Variants in AGPAT4 observed in about 807,000 individuals in gnomAD.
The protein encoded by AGPAT4 is 1-acylglycerol-3-phosphate O-acyltransferase 4, also known as 1-acyl-sn-glycerol-3-phosphate acyltransferase delta.
Under a neutral mutation model 48.0 loss-of-function variants are expected in AGPAT4, and 15 were observed. The ratio of observed to expected loss-of-function variants is 0.31; its 90% CI spans 0.21 to 0.48. The LOEUF is 0.48. Among genes scored for constraint, AGPAT4 ranks in the 20% least tolerant of loss-of-function variants. The pLI is 0.99. For missense variants in AGPAT4, 314 were observed against 482.5 expected (o/e 0.65, Z 3.27); for synonymous variants, 178 against 198.7 (o/e 0.90, Z 0.88).
chr6:161,190,622 A>T (rs943028884), intron 2 of AGPAT4, among the ~76,000 whole-genome samples: 2 of 151,856 alleles, frequency 1.3e-5, no homozygotes, highest in African/African-American at 4.8e-5. Flanking sequence ...AGACCTTAAG[A>T]TATTGATCAA....
At chr6:161,257,539 T>C (rs1251799446) in intron 1 of AGPAT4, among the ~76,000 whole-genome samples, 1 of 152,214 alleles carries the variant, frequency 6.6e-6, no homozygotes, top group Non-Finnish European at 1.5e-5. Context: ...CATTGAACTA[T>C]ACACTTAAAA....
At position 161,272,219 on chromosome 6, in the gene AGPAT4, C is replaced by T. The variant is rs1390591554; in HGVS notation, c.-90+1719G>A. Among the ~76,000 whole-genome samples the T allele has an allele frequency of 6.7e-6, 1 of 149,354 alleles. No homozygotes were observed. Among genetic ancestry groups the T allele is most frequent in the Admixed American group, 6.6e-5 (1 of 15,108 alleles). On this transcript the variant is annotated intron_variant, in intron 1 of 8. Transcript: ENST00000320285. This position sits in a 1 kb window ranked among gnomAD's most constrained non-coding sequence, Gnocchi z 4.2. ...AGATAAGGATCACAGCAAACAGAACCTCACTGAAACCACCCATTCTTCCTG... is the reference window on the plus strand; with the variant it reads ...AGATAAGGATCACAGCAAACAGAACTTCACTGAAACCACCCATTCTTCCTG...
intron 2 of AGPAT4, among the ~76,000 whole-genome samples, chr6:161,192,247 T>A (rs1780948463): frequency 6.7e-6 from 1 of 150,310 alleles, no homozygotes; most frequent in Admixed American, 6.7e-5. Context: ...GCCTCCCAGG[T>A]TTAAGCGATT....
At chr6:161,213,522 CT>C (rs34027731) in intron 2 of AGPAT4, among the ~76,000 whole-genome samples, 2 of 152,196 alleles carry the variant, frequency 1.3e-5, no homozygotes, top group South Asian at 2.1e-4. Flanking sequence ...TTGTTCCTTC[CT>C]TTTTTTCCCA....
Position 161,197,253 on chromosome 6 carries a change from G to T in AGPAT4, c.179-30836C>A, listed in dbSNP as rs1781095209. 6.6e-6 allele frequency among the ~76,000 whole-genome samples: 1 copy of T among 152,172 alleles called. No homozygotes were observed. Among genetic ancestry groups the T allele is most frequent in the Non-Finnish European group, 1.5e-5 (1 of 68,032 alleles). On this transcript the variant is annotated intron_variant, in intron 2 of 8. Coordinates refer to ENST00000320285, the MANE Select transcript of AGPAT4 (RefSeq NM_020133.3). The surrounding 1 kb of genome is among the most constrained non-coding windows in gnomAD (Gnocchi z 5.7). ...GGACAGTGAGCGCTTTCAGAGAGGG[G>T]CCAGGGCACGTAAGCCCTGACCTTG...
In AGPAT4 at chr6:161,261,197, C is replaced by G. The variant is rs915250312; in HGVS notation, c.-90+12741G>C. On this transcript the variant is annotated intron_variant, in intron 1 of 8. Transcript: ENST00000320285. The surrounding 1 kb of genome is among the most constrained non-coding windows in gnomAD (Gnocchi z 5.3). ...GCTGAACAGTCAGGTGCATCTTTCC[C>G]TGTTTCTCATGGCCCCTTCTCTATT... is the stretch of plus-strand genomic sequence containing the variant. 1.3e-5 allele frequency among the ~76,000 whole-genome samples: 2 copies of G among 152,240 alleles called. No homozygotes were observed. Among genetic ancestry groups the G allele is most frequent in the Admixed American group, 1.3e-4 (2 of 15,294 alleles).
At chr6:161,183,768 G>A (rs1780679351) in intron 2 of AGPAT4, among the ~76,000 whole-genome samples, 1 of 148,530 alleles carries the variant, frequency 6.7e-6, no homozygotes, top group Non-Finnish European at 1.5e-5. Flanking sequence ...TGATCCTTCT[G>A]GGGGGCCCAG....
In AGPAT4 at chr6:161,220,711, T is replaced by C. The variant is rs974797439; in HGVS notation, c.178+11325A>G. ...CTATGTTTGAAGGACAGTTTCATTC[T>C]ATCTTTCCTACGCAGACTGCCCCAT... On this transcript the variant is annotated intron_variant, in intron 2 of 8. Transcript: ENST00000320285. This position sits in a 1 kb window ranked among gnomAD's most constrained non-coding sequence, Gnocchi z 6.0. Among the ~76,000 whole-genome samples the C allele has an allele frequency of 6.6e-6, 1 of 152,226 alleles. No individual in the cohort carries two copies. Among genetic ancestry groups the C allele is most frequent in the African/African-American group, 2.4e-5 (1 of 41,474 alleles).
Position 161,139,410 on chromosome 6 carries a change from C to T in AGPAT4, c.1042+12G>A, listed in dbSNP as rs1779177528. On this transcript the variant is annotated intron_variant, in intron 8 of 8. Coordinates refer to ENST00000320285, the MANE Select transcript of AGPAT4 (RefSeq NM_020133.3). This position sits in a 1 kb window ranked among gnomAD's most constrained non-coding sequence, Gnocchi z 9.1. ...GCTGTCAGCACCCACCAGCCCCTTG[C>T]CCTCCACTCACCCACAAAGAAGACG... 1.2e-6 allele frequency: 2 copies of T among 1,613,398 alleles called. No homozygotes were observed. Among genetic ancestry groups the T allele is most frequent in the Non-Finnish European group, 1.7e-6 (2 of 1,179,588 alleles).
rs1467724198 is a variant in AGPAT4 at position 161,264,114 on chromosome 6, A to T, written c.-90+9824T>A. On this transcript the variant is annotated intron_variant, in intron 1 of 8. Coordinates refer to ENST00000320285, the MANE Select transcript of AGPAT4 (RefSeq NM_020133.3). This position sits in a 1 kb window ranked among gnomAD's most constrained non-coding sequence, Gnocchi z 6.8. ...ACACATGTTGATTACAAAGTACATA[A>T]ATGATCACCTTATAAGGTGTAATAT... Among the ~76,000 whole-genome samples the T allele has an allele frequency of 6.6e-6, 1 of 152,210 alleles. No individual in the cohort carries two copies. Among genetic ancestry groups the T allele is most frequent in the Non-Finnish European group, 1.5e-5 (1 of 68,042 alleles).
chr6:161,183,626 A>AGGGAG (rs1780664427), intron 2 of AGPAT4, among the ~76,000 whole-genome samples: 1 of 105,318 alleles, frequency 9.5e-6, no homozygotes. Context: ...AGGGAAGGGA[A>AGGGAG]GGGAGGGGAG....
chr6:161,190,040 C>A (rs567139294), intron 2 of AGPAT4, among the ~76,000 whole-genome samples: 1 of 152,068 alleles, frequency 6.6e-6, no homozygotes, highest in East Asian at 1.9e-4. Flanking sequence ...GGAATTAAAA[C>A]GAAACAGGGT....
At chr6:161,241,366 G>A (rs1223252036) in intron 1 of AGPAT4, among the ~76,000 whole-genome samples, 3 of 151,478 alleles carry the variant, frequency 2.0e-5, no homozygotes, top group African/African-American at 7.3e-5. Flanking sequence ...CCTTTGTCCA[G>A]TACATGATGT....
At position 161,243,673 on chromosome 6, in the gene AGPAT4, C is replaced by T. The variant is rs139020836; in HGVS notation, c.-89-11371G>A. Among the ~76,000 whole-genome samples, 4 of 152,196 alleles carry T rather than the reference C, an allele frequency of 2.6e-5. No individual in the cohort carries two copies. The East Asian group carries it at 5.8e-4, about 22-fold the overall frequency. Reference sequence around the variant, plus strand: ...AACAGCTGCAGGAAGAACCCTCAGTCGAAGCCCCTGCCTCTCTCCCGGGCT... The same window carrying T: ...AACAGCTGCAGGAAGAACCCTCAGTTGAAGCCCCTGCCTCTCTCCCGGGCT... On this transcript the variant is annotated intron_variant, in intron 1 of 8. Coordinates refer to ENST00000320285, the MANE Select transcript of AGPAT4 (RefSeq NM_020133.3). This position sits in a 1 kb window ranked among gnomAD's most constrained non-coding sequence, Gnocchi z 4.8.
intron 2 of AGPAT4, among the ~76,000 whole-genome samples, chr6:161,176,859 T>C (rs1359092187): frequency 6.6e-6 from 1 of 152,298 alleles, no homozygotes; most frequent in South Asian, 2.1e-4. Flanking sequence ...TCTCTCAGCA[T>C]TTGCTTGTCT....
Position 161,135,501 on chromosome 6 carries a change from C to G in AGPAT4, c.*1039G>C, listed in dbSNP as rs1352245441. 1 of 152,302 alleles carries G rather than the reference C, an allele frequency of 6.6e-6. No homozygotes were observed. Among genetic ancestry groups the G allele is most frequent in the Non-Finnish European group, 1.5e-5 (1 of 68,124 alleles). The allele number at this position is 152,302 out of a possible 1,614,324, so 9.4% of individuals were successfully genotyped here. A position where few individuals can be genotyped will look rare whatever the true frequency, so the allele number is the denominator to read the frequency against. On this transcript the variant is annotated 3_prime_UTR_variant, in exon 9 of 9. Coordinates refer to ENST00000320285, the MANE Select transcript of AGPAT4 (RefSeq NM_020133.3). ...AGGAGCCCGGAAGGAAGGCAGAAGC[C>G]TGGGGGTTTTTTGTACATGGGATGT...
chr6:161,170,862 C>T (rs990570405), intron 2 of AGPAT4, among the ~76,000 whole-genome samples: 2 of 152,216 alleles, frequency 1.3e-5, no homozygotes, highest in African/African-American at 2.4e-5. Flanking sequence ...ATTTCAAGTA[C>T]GTTCAGCCTG....
At chr6:161,162,211 G>C (rs553615029) in intron 3 of AGPAT4, among the ~76,000 whole-genome samples, 2 of 152,346 alleles carry the variant, frequency 1.3e-5, no homozygotes, top group Admixed American at 1.3e-4. Flanking sequence ...CCGTGGGGTG[G>C]GCAGCCGCCA....
At position 161,221,079 on chromosome 6, in the gene AGPAT4, G is replaced by T. The variant is rs766849633; in HGVS notation, c.178+10957C>A. On this transcript the variant is annotated intron_variant, in intron 2 of 8. Transcript: ENST00000320285. This position sits in a 1 kb window ranked among gnomAD's most constrained non-coding sequence, Gnocchi z 4.5. ...ATTACAGGCATGAGCCACCGCACCC[G>T]GCCCCAGACAGCATATTTAAACAGA... 6.6e-6 allele frequency among the ~76,000 whole-genome samples: 1 copy of T among 152,094 alleles called. No individual in the cohort carries two copies. Among genetic ancestry groups the T allele is most frequent in the Non-Finnish European group, 1.5e-5 (1 of 68,008 alleles).
Sources: gnomAD v4.1 joint callset for allele counts (sites outside exome capture counted in the v4.1 genomes callset) on GRCh38, gnomAD v4.1.1 for gene constraint, Gnocchi (gnomAD v3.1) non-coding constraint, MANE v1.5 for transcripts, NCBI Gene and HGNC (gene_info 2026-07-23, HGNC 2026-07-21) for gene names.